Variants in STK40 observed in about 807,000 individuals in gnomAD.
The protein encoded by STK40 is serine/threonine-protein kinase 40.
In STK40, 13 loss-of-function variants were observed where a neutral mutation model predicts 47.9. The observed-to-expected ratio is 0.27, with a 90% CI of 0.18 to 0.43. STK40 has a LOEUF of 0.43. Ranked by LOEUF, STK40 falls within the 20% of genes least tolerant of loss-of-function variation. The pLI, the probability that STK40 is intolerant of heterozygous loss-of-function variation, is 1.00. For missense variants in STK40, 460 were observed against 595.1 expected (o/e 0.77, Z 2.36); for synonymous variants, 225 against 243.2 (o/e 0.93, Z 0.69).
At chr1:36,348,619 G>C in intron 7 of STK40, 81 bp downstream of exon 7, 1 of 1,356,802 alleles carries the variant, frequency 7.4e-7, no homozygotes, top group Non-Finnish European at 1.0e-6. Flanking sequence ...CCCAGGGCCT[G>C]CCCACAAATT....
At position 36,348,843 on chromosome 1, in the gene STK40, C is replaced by A. The variant is rs753043926; in HGVS notation, c.624-28G>T. On this transcript the variant is annotated intron_variant, in intron 6 of 10. Transcript: ENST00000373132. ...AGGAGTGGGAGACAGAGTGAACAAA[C>A]CTCAGTGTCTATAGCAACAGGCACA... 4 of 1,563,796 alleles carry A rather than the reference C, an allele frequency of 2.6e-6. No homozygotes were observed. The African/African-American group carries it at 4.1e-5, about 16-fold the overall frequency.
intron 1 of STK40, among the ~76,000 whole-genome samples, chr1:36,373,719 GA>G (rs1452139812): frequency 3.3e-5 from 5 of 152,326 alleles, no homozygotes; most frequent in African/African-American, 1.2e-4. Context: ...AAAACAGAGC[GA>G]TGATTTTGTT....
intron 1 of STK40, among the ~76,000 whole-genome samples, chr1:36,378,567 TC>T (rs1647011458): frequency 6.6e-6 from 1 of 151,998 alleles, no homozygotes; most frequent in African/African-American, 2.4e-5. Context: ...CAAGCGATTC[TC>T]CTGCCTCAGC....
chr1:36,374,414 T>A (rs1646974707), intron 1 of STK40, among the ~76,000 whole-genome samples: 1 of 152,084 alleles, frequency 6.6e-6, no homozygotes, highest in Non-Finnish European at 1.5e-5. Flanking sequence ...AAAAAATACA[T>A]GGAGTTAGAG....
intron 1 of STK40, among the ~76,000 whole-genome samples, chr1:36,367,144 G>A (rs1470499425): frequency 6.6e-6 from 1 of 151,730 alleles, no homozygotes; most frequent in African/African-American, 2.4e-5. Context: ...CACCACACCT[G>A]GCCAACTCTT....
At position 36,343,972 on chromosome 1, in the gene STK40, G is replaced by T. The variant is rs367878651; in HGVS notation, c.892C>A (p.Arg298=). The change falls in exon 9 of 11, where the codon CGG becomes AGG. Residue 298 remains arginine, a synonymous_variant. Coordinates refer to ENST00000373132, the MANE Select transcript of STK40 (RefSeq NM_001282547.2). ...AAEYTIPEDG[R]VSENTVCLIR... ...AGACACACGGTGTTCTCAGAAACCCGTCCATCCCTGAGGCAGGGAGTTGGG... is the reference window on the plus strand; with the variant it reads ...AGACACACGGTGTTCTCAGAAACCCTTCCATCCCTGAGGCAGGGAGTTGGG... The T allele has an allele frequency of 1.9e-6, 3 of 1,602,862 alleles. No individual in the cohort carries two copies. The Admixed American group carries it at 5.1e-5, about 27-fold the overall frequency.
chr1:36,384,743 C>T (rs898661363), intron 1 of STK40, among the ~76,000 whole-genome samples: 2 of 152,248 alleles, frequency 1.3e-5, no homozygotes, highest in Non-Finnish European at 2.9e-5. Flanking sequence ...ACCCAACCAA[C>T]AACTTGCACA....
At chr1:36,346,765 C>A (rs1205612034) in intron 7 of STK40, among the ~76,000 whole-genome samples, 1 of 152,218 alleles carries the variant, frequency 6.6e-6, no homozygotes, top group Non-Finnish European at 1.5e-5. Flanking sequence ...CAGGGAGGGC[C>A]ACAGAGCCTC....
intron 7 of STK40, among the ~76,000 whole-genome samples, chr1:36,345,346 G>A (rs1557504993): frequency 6.6e-6 from 1 of 152,250 alleles, no homozygotes; most frequent in Non-Finnish European, 1.5e-5. Flanking sequence ...GTGCATGGCA[G>A]TGCCATTACA....
intron 1 of STK40, among the ~76,000 whole-genome samples, chr1:36,369,017 G>C (rs1646923666): frequency 6.6e-6 from 1 of 152,228 alleles, no homozygotes; most frequent in South Asian, 2.1e-4. Context: ...CACAGGTTCA[G>C]AGGGACCTGT....
chr1:36,375,371 G>A (rs12409536), intron 1 of STK40, among the ~76,000 whole-genome samples: 24,282 of 151,966 alleles, frequency 0.16, 2,119 homozygotes, highest in Non-Finnish European at 0.2. Flanking sequence ...GCTGGGCATG[G>A]TGGTGGGTGC....
intron 1 of STK40, among the ~76,000 whole-genome samples, chr1:36,380,035 A>G (rs1203540706): frequency 6.6e-6 from 1 of 152,222 alleles, no homozygotes. Context: ...CATAGCCACA[A>G]ATGACCCAGA....
intron 6 of STK40, among the ~76,000 whole-genome samples, chr1:36,353,864 T>C (rs1646779933): frequency 6.6e-6 from 1 of 152,222 alleles, no homozygotes; most frequent in African/African-American, 2.4e-5. Context: ...GTCTGTTTCC[T>C]GAGGAAATTG....
intron 1 of STK40, among the ~76,000 whole-genome samples, chr1:36,384,957 TAAAAC>T (rs1410646726): frequency 2.0e-5 from 3 of 152,312 alleles, no homozygotes; most frequent in Admixed American, 1.3e-4. Flanking sequence ...TCCAGTGACT[TAAAAC>T]AGAGCAAAGT....
At chr1:36,360,326 G>C (rs1178593576) in intron 2 of STK40, among the ~76,000 whole-genome samples, 1 of 152,136 alleles carries the variant, frequency 6.6e-6, no homozygotes, top group Admixed American at 6.5e-5. Flanking sequence ...AAGCAATTTG[G>C]ACTGCTGGTC....
At chr1:36,371,789 A>C (rs2124747800) in intron 1 of STK40, among the ~76,000 whole-genome samples, 1 of 150,378 alleles carries the variant, frequency 6.6e-6, no homozygotes, top group African/African-American at 2.4e-5. Flanking sequence ...TGAGGTCAGG[A>C]GTTCGAGACC....
At chr1:36,342,593 G>A (rs565964946) in intron 10 of STK40, 94 of 158,486 alleles carry the variant, frequency 5.9e-4, no homozygotes, top group Non-Finnish European at 7.9e-4. Flanking sequence ...CACAGGCCAC[G>A]CAGGCCCGCA....
intron 1 of STK40, among the ~76,000 whole-genome samples, chr1:36,370,036 C>T (rs1410475004): frequency 6.6e-6 from 1 of 152,214 alleles, no homozygotes; most frequent in East Asian, 1.9e-4. Context: ...TGGCTGGAGA[C>T]AGGGTGCCAC....
intron 10 of STK40, 155 bp downstream of exon 10, chr1:36,343,209 G>T: frequency 2.4e-6 from 2 of 846,458 alleles, no homozygotes; most frequent in Non-Finnish European, 2.0e-6. Context: ...TCAGGCTGAG[G>T]ACTGAAGTCT....
Sources: gnomAD v4.1 joint callset for allele counts (sites outside exome capture counted in the v4.1 genomes callset) on GRCh38, gnomAD v4.1.1 for gene constraint, MANE v1.5 for transcripts, NCBI Gene and HGNC (gene_info 2026-07-23, HGNC 2026-07-21) for gene names.